Variants in NHSL1 observed in about 807,000 individuals in gnomAD.
NHSL1 encodes the protein NHS-like protein 1.
Under a neutral mutation model 95.0 loss-of-function variants are expected in NHSL1, and 48 were observed. The ratio of observed to expected loss-of-function variants is 0.51; its 90% CI spans 0.40 to 0.64. The LOEUF (loss-of-function observed/expected upper bound fraction) is 0.64, where lower values mean the gene tolerates loss of function less well. NHSL1 is among the 30% of genes least tolerant of loss of function. The probability of loss-of-function intolerance (pLI) is 0.00; values close to 1 mark genes in which losing one functional copy is unlikely to be tolerated. For synonymous variants in NHSL1, 783 were observed against 833.9 expected, an observed-to-expected ratio of 0.94 and a Z score of 1.05; for missense variants, 1,971 against 2,077.7, an observed-to-expected ratio of 0.95 and a Z score of 1.00.
intron 4 of NHSL1, among the ~76,000 whole-genome samples, chr6:138,442,390 A>G (rs1393093248): frequency 1.3e-5 from 2 of 152,142 alleles, no homozygotes; most frequent in Non-Finnish European, 2.9e-5. Context: ...TGGAAGAGTC[A>G]CTCTGTGTTA....
chr6:138,658,727 T>C (rs2114727135), intron 1 of NHSL1, among the ~76,000 whole-genome samples: 1 of 152,250 alleles, frequency 6.6e-6, no homozygotes, highest in African/African-American at 2.4e-5. Context: ...GATTGCTGGG[T>C]CCATAAATAA....
At chr6:138,510,680 A>G (rs900128055) in intron 1 of NHSL1, among the ~76,000 whole-genome samples, 1 of 152,236 alleles carries the variant, frequency 6.6e-6, no homozygotes, top group Admixed American at 6.5e-5. Flanking sequence ...TCAGTTAGCC[A>G]AAGACTTTTT....
At chr6:138,565,890 C>T (rs548653135) in intron 1 of NHSL1, among the ~76,000 whole-genome samples, 1 of 150,996 alleles carries the variant, frequency 6.6e-6, no homozygotes, top group Non-Finnish European at 1.5e-5. Flanking sequence ...TTACAGGGAG[C>T]TATGATTGTG....
chr6:138,674,489 G>A (rs1175235724), intron 1 of NHSL1, among the ~76,000 whole-genome samples: 1 of 151,968 alleles, frequency 6.6e-6, no homozygotes, highest in Non-Finnish European at 1.5e-5. Flanking sequence ...CGCACCACAG[G>A]CCCCAGTAAG....
rs1387733580 is a variant in NHSL1, at chr6:138,496,243, G to T, written c.187C>A (p.Leu63Ile). The T allele has an allele frequency of 6.4e-6, 10 of 1,551,042 alleles. No homozygotes were observed. Among genetic ancestry groups the T allele is most frequent in the Non-Finnish European group, 7.8e-6 (9 of 1,146,790 alleles). The change falls in exon 2 of 8, where the codon CTC becomes ATC. Residue 63 changes from leucine to isoleucine, a missense_variant. Physicochemically the swap from Leu to Ile is conservative, Grantham distance 5 (BLOSUM62 2). This residue lies in a region of NHSL1 where 1,602 missense variants were observed against 1,654.5 expected (regional missense o/e 0.97). Coordinates refer to ENST00000343505, the MANE Select transcript of NHSL1 (RefSeq NM_001144060.2). ...CCCCTCAGTACTGATTTGAGGTTGA[G>T]CTTGGCTTGGCGGTGCAGGTCCTCA... The part of the protein sequence containing the change: ...CVEDLHRQAK[L>I]NLKSVLRECD...
At chr6:138,581,692 C>CAAA (rs1163761095) in intron 1 of NHSL1, among the ~76,000 whole-genome samples, 4 of 67,276 alleles carry the variant, frequency 5.9e-5, no homozygotes, top group East Asian at 4.3e-4. Context: ...ACTCCGTCTC[C>CAAA]AAAAAAAAAA....
chr6:138,630,224 A>G (rs1256605778), intron 1 of NHSL1, among the ~76,000 whole-genome samples: 1 of 148,778 alleles, frequency 6.7e-6, no homozygotes, highest in African/African-American at 2.5e-5. Flanking sequence ...ACTCCCACCA[A>G]AAAAAAAAAA....
rs1313761587 is a variant in NHSL1, at chr6:138,433,590, G to A, written c.755C>T (p.Ser252Phe). 2.6e-6 allele frequency: 4 copies of A among 1,552,102 alleles called. No individual in the cohort carries two copies. Among genetic ancestry groups the A allele is most frequent in the South Asian group, 1.2e-5 (1 of 84,046 alleles). ...CCTGGTTTCTGAGCGCTGCCCAGCA[G>A]ACCGACAGCTATTGAACCTTCCTAG... Reference protein sequence around the residue: ...STLGRFNSCRSAGQRSETRDS... With the variant: ...STLGRFNSCRFAGQRSETRDS... Residue 252 changes from serine (S) to phenylalanine (F), a missense_variant, in exon 6 of 8, where the codon TCT becomes TTT. Ser to Phe is a radical substitution (Grantham distance 155). This residue lies in a region of NHSL1 where 1,602 missense variants were observed against 1,654.5 expected (regional missense o/e 0.97). Transcript: ENST00000343505.
At chr6:138,577,399 C>A (rs1424959074), upstream of NHSL1, among the ~76,000 whole-genome samples, 1 of 152,184 alleles carries the variant, frequency 6.6e-6, no homozygotes, top group Non-Finnish European at 1.5e-5. Flanking sequence ...CCCTGTCAAA[C>A]CTAGCAAAGA....
chr6:138,581,967 G>A lies in NHSL1; in HGVS notation c.97-85596C>T, dbSNP rs1428803690. Among the ~76,000 whole-genome samples, 15 of 147,906 alleles carry A rather than the reference G, an allele frequency of 1.0e-4. No homozygotes were observed. In the East Asian group the frequency reaches 1.2e-3, roughly 12 times the overall value. ...GGCTGGAGTGCAGTGGCGCGATCTCGGCCACTGCAGCCTCTGCCTCCCAAG... is the reference window on the plus strand; with the variant it reads ...GGCTGGAGTGCAGTGGCGCGATCTCAGCCACTGCAGCCTCTGCCTCCCAAG... On this transcript the variant is annotated intron_variant, in intron 1 of 3. Transcript: ENST00000491526.
intron 2 of NHSL1, among the ~76,000 whole-genome samples, chr6:138,489,832 GA>G: frequency 1.1e-5 from 1 of 89,080 alleles, no homozygotes; most frequent in Admixed American, 1.2e-4. Flanking sequence ...GAGGGAGAGA[GA>G]GAGAGAGAGA....
At chr6:138,444,738 G>A (rs541922422) in intron 4 of NHSL1, among the ~76,000 whole-genome samples, 19 of 152,114 alleles carry the variant, frequency 1.2e-4, no homozygotes, top group South Asian at 8.3e-4. Flanking sequence ...TAAAGAGCAG[G>A]AAGCTGTATA....
At chr6:138,667,710 G>A (rs1433014236) in intron 1 of NHSL1, among the ~76,000 whole-genome samples, 1 of 152,194 alleles carries the variant, frequency 6.6e-6, no homozygotes, top group African/African-American at 2.4e-5. Context: ...CTCTTTAATT[G>A]CCTGCTCAGG....
In NHSL1 at chr6:138,433,016, T is replaced by C. The variant is rs1191226318; in HGVS notation, c.1329A>G (p.Ser443=). The C allele has an allele frequency of 1.3e-6, 2 of 1,551,672 alleles. No individual in the cohort carries two copies. The highest frequency in any genetic ancestry group is 1.7e-6 in the Non-Finnish European group (2 of 1,147,012). Residue 443 remains serine, a synonymous_variant, in exon 6 of 8, where the codon TCA becomes TCG. Coordinates refer to ENST00000343505, the MANE Select transcript of NHSL1 (RefSeq NM_001144060.2). The stretch of plus-strand genomic sequence containing the variant: ...CTCTGGATTTTATCCTTGCATGTGA[T>C]GAGCCAGAACTTTTACTTTCCCGCT... ...AGQRESKSSG[S]SHARIKSRDH...
At chr6:138,561,647 T>G (rs534135041) in intron 1 of NHSL1, among the ~76,000 whole-genome samples, 3 of 152,316 alleles carry the variant, frequency 2.0e-5, no homozygotes, top group African/African-American at 7.2e-5. Context: ...TATGCAGCAC[T>G]AGGGGCTCTC....
At chr6:138,565,184 GCAAC>G (rs1783564552) in intron 1 of NHSL1, among the ~76,000 whole-genome samples, 1 of 151,218 alleles carries the variant, frequency 6.6e-6, no homozygotes, top group African/African-American at 2.4e-5. Flanking sequence ...TCGGCTCACT[GCAAC>G]CTCCGCCTCC....
rs1054528926 is a variant in NHSL1 at position 138,527,389 on chromosome 6, T to A, written c.16+18234A>T. 2.0e-4 allele frequency among the ~76,000 whole-genome samples: 30 copies of A among 152,150 alleles called. 1 individual carries two copies. The highest frequency in any genetic ancestry group is 3.9e-4 in the Admixed American group (6 of 15,284). On this transcript the variant is annotated intron_variant, in intron 1 of 4. Transcript: ENST00000342260. ...CAAAAGTGCCCCCTGCCCCAAAAAA[T>A]TTAAAAAAAAGTTTCTCTTCTTTTT... is the stretch of plus-strand genomic sequence containing the variant.
rs1487317345 is a variant in NHSL1, at chr6:138,431,317, A to T, written c.3028T>A (p.Leu1010Met). ...GAGGAAGGTAAGAGAGGTGGGGGCA[A>T]TGGCAAGGACACAGGTGAATCTGGA... ...ILPDSPVSLP[L>M]PPPLLPSSEP... is the part of the protein sequence containing the mutation. Residue 1010 changes from leucine to methionine, a missense_variant, in exon 6 of 8, where the codon TTG becomes ATG. By Grantham distance (15) the Leu-to-Met change is conservative. Transcript: ENST00000343505. The surrounding 1 kb of genome is among the most constrained non-coding windows in gnomAD (Gnocchi z 4.0). 1.2e-5 allele frequency: 18 copies of T among 1,510,948 alleles called. No homozygotes were observed. Among genetic ancestry groups the T allele is most frequent in the Non-Finnish European group, 1.6e-5 (18 of 1,126,098 alleles). The allele number at this position is 1,510,948 out of a possible 1,614,324, so 93.6% of individuals were successfully genotyped here. A position where few individuals can be genotyped will look rare whatever the true frequency, so the allele number is the denominator to read the frequency against.
rs577727674 is a variant in NHSL1, at chr6:138,432,612, G to T, written c.1733C>A (p.Pro578His). The T allele has an allele frequency of 6.4e-6, 10 of 1,551,696 alleles. No individual in the cohort carries two copies. In the African/African-American group the frequency reaches 6.8e-5, roughly 11 times the overall value. Residue 578 changes from proline to histidine, a missense_variant, in exon 6 of 8, where the codon CCC becomes CAC. By Grantham distance (77) the Pro-to-His change is moderately conservative. Transcript: ENST00000343505. This position sits in a 1 kb window ranked among gnomAD's most constrained non-coding sequence, Gnocchi z 4.4. ...ACTGCAGCTGCTCATGTTACTTGTG[G>T]GAGTGGAATAGCCAGGAGTTGCTAA... Reference protein sequence around the residue: ...PHLATPGYSTPTSNMSSCSLD... With the variant: ...PHLATPGYSTHTSNMSSCSLD...
Sources: gnomAD v4.1 joint callset for allele counts (sites outside exome capture counted in the v4.1 genomes callset) on GRCh38, gnomAD v4.1.1 for gene constraint, gnomAD v4.1.1 regional missense constraint, Gnocchi (gnomAD v3.1) non-coding constraint, MANE v1.5 for transcripts, NCBI Gene and HGNC (gene_info 2026-07-23, HGNC 2026-07-21) for gene names.